Variants in LIAT1 observed in about 807,000 individuals in gnomAD.
LIAT1 encodes the protein ligand of ATE1.
At chr17:410,751 T>C in the LIAT1 span, 3 of 1,114,426 alleles carry the variant, frequency 2.7e-6, no homozygotes, top group Non-Finnish European at 1.3e-6. Context: ...AGCTCAGTGG[T>C]CCCGGACCGA....
the LIAT1 span, chr17:414,232 A>C: frequency 7.8e-7 from 1 of 1,288,010 alleles, no homozygotes; most frequent in Non-Finnish European, 1.1e-6. The surrounding 1 kb of genome is among the most constrained non-coding windows in gnomAD (Gnocchi z 4.1). Context: ...GATGTTCGGT[A>C]CACGGACGAC....
At chr17:412,050 G>A in the LIAT1 span, among the ~76,000 whole-genome samples, 1 of 152,242 alleles carries the variant, frequency 6.6e-6, no homozygotes, top group African/African-American at 2.4e-5. Context: ...ACAAAGGCAA[G>A]AAAATTCTGC....
At chr17:413,066 A>T in the LIAT1 span, 16 of 1,526,442 alleles carry the variant, frequency 1.0e-5, no homozygotes, top group Non-Finnish European at 7.9e-6. Flanking sequence ...CTCCTCTTCC[A>T]TCTTGGGTGA....
the LIAT1 span, chr17:413,994 A>G: frequency 3.1e-6 from 5 of 1,614,220 alleles, no homozygotes; most frequent in Non-Finnish European, 4.2e-6. Context: ...CTCTCGGACA[A>G]AGATGGCAGC....
At chr17:411,160 A>G in the LIAT1 span, among the ~76,000 whole-genome samples, 1 of 152,170 alleles carries the variant, frequency 6.6e-6, no homozygotes, top group African/African-American at 2.4e-5. Context: ...CGTGTGTATT[A>G]AAGGTCCTCG....
At chr17:412,591 A>G in the LIAT1 span, among the ~76,000 whole-genome samples, 2 of 152,152 alleles carry the variant, frequency 1.3e-5, no homozygotes, top group Non-Finnish European at 2.9e-5. Context: ...AAAAATCAGT[A>G]CAAGCCATAC....
chr17:410,857 C>T, the LIAT1 span, among the ~76,000 whole-genome samples: 2 of 152,170 alleles, frequency 1.3e-5, no homozygotes, highest in African/African-American at 2.4e-5. Context: ...CCCTTAGCCC[C>T]ACACAGAGAC....
chr17:413,450 A>C, the LIAT1 span: 3 of 1,609,494 alleles, frequency 1.9e-6, no homozygotes, highest in African/African-American at 4.0e-5. Context: ...CTTGGCCCTC[A>C]AGGGCTTCCA....
At chr17:413,735 G>C in the LIAT1 span, 1 of 1,583,624 alleles carries the variant, frequency 6.3e-7, no homozygotes, top group Non-Finnish European at 8.5e-7. Context: ...CTTCCACCCC[G>C]ACCCCAAGGC....
chr17:411,661 C>G, the LIAT1 span, among the ~76,000 whole-genome samples: 1 of 152,016 alleles, frequency 6.6e-6, no homozygotes, highest in South Asian at 2.1e-4. Flanking sequence ...GAATTGCAGT[C>G]TCTCTCAGGG....
chr17:413,626 C>T, the LIAT1 span: 281 of 1,217,794 alleles, frequency 2.3e-4, 10 homozygotes, highest in African/African-American at 4.0e-3. Context: ...ACCCCGAGGC[C>T]CTCAAGGGCT....
the LIAT1 span, among the ~76,000 whole-genome samples, chr17:411,626 C>T: frequency 6.6e-6 from 1 of 152,184 alleles, no homozygotes; most frequent in Non-Finnish European, 1.5e-5. Context: ...GTTATCCATT[C>T]GCGTGTGTAG....
chr17:411,243 T>C, the LIAT1 span, among the ~76,000 whole-genome samples: 1 of 152,186 alleles, frequency 6.6e-6, no homozygotes, highest in Non-Finnish European at 1.5e-5. Flanking sequence ...CCAGTCACTG[T>C]GACATCCTCC....
At chr17:410,987 C>T in the LIAT1 span, among the ~76,000 whole-genome samples, 2 of 152,192 alleles carry the variant, frequency 1.3e-5, no homozygotes, top group African/African-American at 4.8e-5. Flanking sequence ...CCCACAGAGG[C>T]CCTCCTCACA....
At chr17:411,342 C>G in the LIAT1 span, among the ~76,000 whole-genome samples, 1 of 152,206 alleles carries the variant, frequency 6.6e-6, no homozygotes, top group African/African-American at 2.4e-5. Flanking sequence ...CCCTCAACCA[C>G]TCCCCCCACC....
At chr17:410,779 C>A in the LIAT1 span, 2 of 775,196 alleles carry the variant, frequency 2.6e-6, no homozygotes, top group Non-Finnish European at 4.1e-6. Flanking sequence ...CTGCTCCCCA[C>A]ACATGCCCGT....
the LIAT1 span, chr17:414,120 C>T: frequency 6.2e-7 from 1 of 1,608,094 alleles, no homozygotes; most frequent in Non-Finnish European, 8.5e-7. The surrounding 1 kb of genome is among the most constrained non-coding windows in gnomAD (Gnocchi z 4.1). Context: ...GAGTGAAAAT[C>T]TACCCACGAC....
chr17:411,636 G>A, the LIAT1 span, among the ~76,000 whole-genome samples: 2 of 152,160 alleles, frequency 1.3e-5, no homozygotes, highest in East Asian at 1.9e-4. Context: ...CGCGTGTGTA[G>A]TCATATGCAG....
chr17:413,341 C>A, the LIAT1 span: 2 of 1,614,232 alleles, frequency 1.2e-6, no homozygotes, highest in Middle Eastern at 1.6e-4. Flanking sequence ...CGAATCGGAT[C>A]AACGAAAGTC....
Sources: allele counts gnomAD v4.1 joint callset (sites outside exome capture counted in the v4.1 genomes callset), GRCh38; gene constraint gnomAD v4.1.1; non-coding constraint Gnocchi (gnomAD v3.1); transcripts MANE v1.5; gene names NCBI Gene and HGNC (gene_info 2026-07-23, HGNC 2026-07-21).